The following PZP variants were observed in gnomAD, a reference collection of about 807,000 sequenced individuals.
The protein encoded by PZP is pregnancy zone protein.
Under a neutral mutation model 179.8 loss-of-function variants are expected in PZP, and 150 were observed. The ratio of observed to expected loss-of-function variants is 0.83; its 90% CI spans 0.73 to 0.96. The LOEUF (loss-of-function observed/expected upper bound fraction) is 0.96, where lower values mean the gene tolerates loss of function less well. PZP is among the 40% of genes least tolerant of loss of function. The pLI is 0.00. For missense variants in PZP, 1,689 were observed against 1,764.0 expected, an observed-to-expected ratio of 0.96 and a Z score of 0.76; for synonymous variants, 624 against 652.3, an observed-to-expected ratio of 0.96 and a Z score of 0.66.
chr12:9,167,820 T>A (rs1337388220), intron 17 of PZP, among the ~76,000 whole-genome samples: 1 of 152,168 alleles, frequency 6.6e-6, no homozygotes, highest in African/African-American at 2.4e-5. Context: ...CCCCCAAACC[T>A]CAATGGTTTA....
At chr12:9,172,387 C>T (rs1161214212) in intron 15 of PZP, among the ~76,000 whole-genome samples, 1 of 152,154 alleles carries the variant, frequency 6.6e-6, no homozygotes, top group African/African-American at 2.4e-5. Context: ...ACTACAAAAA[C>T]ACACTGAAGT....
chr12:9,157,389 G>A (rs376356431), intron 27 of PZP, 34 bp from the exon 28 acceptor site: 28 of 1,587,218 alleles, frequency 1.8e-5, no homozygotes, highest in African/African-American at 6.7e-5. Flanking sequence ...GTCAAACTAG[G>A]GTGAATAGAG....
chr12:9,160,973 A>G, intron 23 of PZP, 60 bp downstream of exon 23: 1 of 1,294,100 alleles, frequency 7.7e-7, no homozygotes, highest in Non-Finnish European at 1.1e-6. Flanking sequence ...ACAAATACGT[A>G]GATAAGATGT....
rs1180418397 is a variant in PZP at position 9,162,611 on chromosome 12, A to C, written c.2774T>G (p.Met925Arg). 1 of 1,595,266 alleles carries C rather than the reference A, an allele frequency of 6.3e-7. No individual in the cohort carries two copies. The highest frequency in any genetic ancestry group is 2.2e-5 in the East Asian group (1 of 44,780). ...TGGACTCTTACCTGAGGCACAGGTC[A>C]TAGAACTGAAAGTCTTTTCTTGCTC... Reference protein sequence around the residue: ...GIEQEKTFSSMTCASGANVSE... With the variant: ...GIEQEKTFSSRTCASGANVSE... Residue 925 changes from methionine to arginine, a missense_variant, in exon 22 of 36, where the codon ATG becomes AGG. Met to Arg is a moderately conservative substitution (Grantham distance 91, BLOSUM62 -1). Coordinates refer to ENST00000261336, the MANE Select transcript of PZP (RefSeq NM_002864.3).
At chr12:9,201,624 A>C (rs754943618) in intron 4 of PZP, among the ~76,000 whole-genome samples, 13 of 152,104 alleles carry the variant, frequency 8.5e-5, no homozygotes, top group Non-Finnish European at 1.6e-4. Flanking sequence ...TATTATTTGG[A>C]TACTAAAATT....
chr12:9,198,621 G>T (rs993828810), intron 7 of PZP, among the ~76,000 whole-genome samples: 2 of 152,060 alleles, frequency 1.3e-5, no homozygotes, highest in Non-Finnish European at 2.9e-5. Flanking sequence ...ATAATTAGTG[G>T]GGTTATGTGT....
chr12:9,197,472 T>C (rs1943851210), intron 7 of PZP, among the ~76,000 whole-genome samples: 1 of 130,470 alleles, frequency 7.7e-6, no homozygotes, highest in African/African-American at 3.0e-5. Flanking sequence ...TAATATAATA[T>C]ATAATAATAT....
chr12:9,140,149 C>A, the PZP span, among the ~76,000 whole-genome samples: 1 of 152,096 alleles, frequency 6.6e-6, no homozygotes, highest in Admixed American at 6.5e-5. Context: ...AGGCTGATGC[C>A]CTTTGGGGCA....
intron 20 of PZP, 146 bp from the exon 21 acceptor site, chr12:9,163,935 C>A: frequency 8.0e-7 from 1 of 1,253,338 alleles, no homozygotes; most frequent in Non-Finnish European, 1.1e-6. Flanking sequence ...ACTAAGTAGC[C>A]AATGTCCAAG....
At chr12:9,166,783 C>G (rs1052738506) in intron 17 of PZP, among the ~76,000 whole-genome samples, 2 of 152,124 alleles carry the variant, frequency 1.3e-5, no homozygotes, top group African/African-American at 4.8e-5. Context: ...TTGTCAAAAA[C>G]AGATATTTCC....
intron 11 of PZP, among the ~76,000 whole-genome samples, chr12:9,193,054 C>G (rs191279930): frequency 2.6e-4 from 39 of 152,266 alleles, no homozygotes; most frequent in African/African-American, 9.1e-4. Flanking sequence ...AGGGATTTTT[C>G]AGATATTAGA....
In PZP at chr12:9,169,411, TAAG is replaced by T; in HGVS notation, c.2001+16_2001+18del. ...AAAAACTCACAAGCCAGCATGTTAATAAGTAGTGAGAATTTTACCTTGAGGAAG... is the reference window on the plus strand; with the variant it reads ...AAAAACTCACAAGCCAGCATGTTAATTAGTGAGAATTTTACCTTGAGGAAG... On this transcript the variant is annotated intron_variant, in intron 16 of 35. Transcript: ENST00000261336. 1 of 1,562,648 alleles carries T rather than the reference TAAG, an allele frequency of 6.4e-7. No individual in the cohort carries two copies. Among genetic ancestry groups the T allele is most frequent in the Non-Finnish European group, 8.7e-7 (1 of 1,148,974 alleles).
intron 13 of PZP, among the ~76,000 whole-genome samples, chr12:9,187,149 A>G (rs1943180393): frequency 6.6e-6 from 1 of 152,050 alleles, no homozygotes; most frequent in South Asian, 2.1e-4. Context: ...ACCTAACTAA[A>G]CAAAATCTAC....
At chr12:9,177,367 G>C (rs1942454647) in intron 15 of PZP, among the ~76,000 whole-genome samples, 1 of 152,212 alleles carries the variant, frequency 6.6e-6, no homozygotes, top group South Asian at 2.1e-4. Context: ...CTTGGAAGCA[G>C]ATCTTCCAAC....
intron 13 of PZP, among the ~76,000 whole-genome samples, chr12:9,187,638 A>G (rs1377631510): frequency 6.6e-6 from 1 of 152,232 alleles, no homozygotes; most frequent in African/African-American, 2.4e-5. Flanking sequence ...ACCAGTAAGA[A>G]CAAAGATACA....
chr12:9,160,529 G>A (rs1026734721), intron 23 of PZP, 39 bp from the exon 24 acceptor site: 1 of 1,579,318 alleles, frequency 6.3e-7, no homozygotes, highest in Non-Finnish European at 8.6e-7. Flanking sequence ...AATAATTTCA[G>A]TTCATAAATA....
rs1465379632 is a variant in PZP at position 9,165,195 on chromosome 12, C to A, written c.2431G>T (p.Gly811Ter). ...GTGGCCTTGAGTGTGAAGACCTCTC[C>A]ACGAATCACAGAGTAAGGCATTGTG... ...ELTMPYSVIR[G>*]EVFTLKATVL... Residue 811 changes from glycine (G) to a stop codon, truncating the protein, a stop_gained, in exon 19 of 36, where the codon GGA becomes TGA. Coordinates refer to ENST00000261336, the MANE Select transcript of PZP (RefSeq NM_002864.3). LOFTEE classifies it high-confidence loss of function. 1.9e-6 allele frequency: 3 copies of A among 1,614,116 alleles called. No individual in the cohort carries two copies. Among genetic ancestry groups the A allele is most frequent in the Non-Finnish European group, 2.5e-6 (3 of 1,180,018 alleles).
Position 9,192,199 on chromosome 12 carries a change from C to G in PZP, c.1540G>C (p.Gly514Arg), listed in dbSNP as rs746115447. 98 of 1,613,472 alleles carry G rather than the reference C, an allele frequency of 6.1e-5. 1 individual carries two copies. Among genetic ancestry groups the G allele is most frequent in the Non-Finnish European group, 7.7e-5 (91 of 1,179,514 alleles). The stretch of plus-strand genomic sequence containing the variant: ...TGAATCTGAGGATACTCACTGTCTC[C>G]TGACTCCACAGGCAGAGTGTGGGTT... ...SGTHTLPVES[G>R]DMKGSFALSF... The change falls in exon 13 of 36, where the codon GGA (glycine) becomes CGA (arginine). Residue 514 changes from glycine to arginine, a missense_variant. Gly to Arg is a moderately radical substitution (Grantham distance 125). This residue lies in a region of PZP where 742 missense variants were observed against 730.5 expected (regional missense o/e 1.02). Transcript: ENST00000261336.
intron 10 of PZP, among the ~76,000 whole-genome samples, chr12:9,195,249 TAAA>T (rs1264753063): frequency 6.6e-6 from 1 of 152,078 alleles, no homozygotes; most frequent in Non-Finnish European, 1.5e-5. Context: ...TTTAAAATAA[TAAA>T]AATACATTAG....
Sources: allele counts gnomAD v4.1 joint callset (sites outside exome capture counted in the v4.1 genomes callset), GRCh38; gene constraint gnomAD v4.1.1; regional missense constraint gnomAD v4.1.1; transcripts MANE v1.5; gene names NCBI Gene and HGNC (gene_info 2026-07-23, HGNC 2026-07-21).